The following SGCZ variants were observed in gnomAD, a reference collection of about 807,000 sequenced individuals.
SGCZ encodes the protein zeta-sarcoglycan.
A neutral mutation model predicts 41.3 loss-of-function variants in SGCZ; 40 were observed. The ratio of observed to expected loss-of-function variants is 0.97; its 90% CI spans 0.75 to 1.26. The LOEUF is 1.26. Among genes scored for constraint, SGCZ ranks in the 50% most tolerant of loss-of-function variants. The pLI is 0.00. For missense variants in SGCZ, 552 were observed against 369.8 expected, an observed-to-expected ratio of 1.49 and a Z score of -4.04; for synonymous variants, 206 against 137.5, an observed-to-expected ratio of 1.50 and a Z score of -3.49.
chr8:14,814,854 T>G (rs1293979171), intron 1 of SGCZ, among the ~76,000 whole-genome samples: 1 of 152,214 alleles, frequency 6.6e-6, no homozygotes, highest in Admixed American at 6.5e-5. Flanking sequence ...GGGCAATGTG[T>G]CCGTATAACA....
intron 1 of SGCZ, among the ~76,000 whole-genome samples, chr8:14,701,495 G>T (rs1481019839): frequency 6.6e-6 from 1 of 151,998 alleles, no homozygotes; most frequent in Non-Finnish European, 1.5e-5. Flanking sequence ...CTAAGCAGAT[G>T]GATGTAGACG....
chr8:14,803,708 A>C (rs534203430), intron 1 of SGCZ, among the ~76,000 whole-genome samples: 133 of 151,684 alleles, frequency 8.8e-4, no homozygotes, highest in African/African-American at 3.0e-3. Context: ...CAGGAAGCTC[A>C]AACTGGGTGG....
At position 14,222,448 on chromosome 8, in the gene SGCZ, G is replaced by A. The variant is rs150734460; in HGVS notation, c.424+15144C>T. The stretch of plus-strand genomic sequence containing the variant: ...CTCCCAAAGTGCTAAGATTACACAC[G>A]TGAGCCACCGTGCCCGGCCACTTCA... On this transcript the variant is annotated intron_variant, in intron 4 of 7. Coordinates refer to ENST00000382080, the MANE Select transcript of SGCZ (RefSeq NM_139167.4). Among the ~76,000 whole-genome samples, 223 of 152,096 alleles carry A rather than the reference G, an allele frequency of 1.5e-3. 3 individuals carry two copies. In the East Asian group the frequency reaches 0.032, roughly 22 times the overall value.
At chr8:14,899,223 C>T (rs1798881316) in intron 1 of SGCZ, among the ~76,000 whole-genome samples, 1 of 152,096 alleles carries the variant, frequency 6.6e-6, no homozygotes, top group Admixed American at 6.5e-5. Flanking sequence ...TTGTAAATCT[C>T]ATATCCACTT....
chr8:14,603,776 C>T (rs998619820), intron 1 of SGCZ, among the ~76,000 whole-genome samples: 17 of 152,174 alleles, frequency 1.1e-4, no homozygotes, highest in South Asian at 6.2e-4. Flanking sequence ...AAAAATTATA[C>T]CCTGTTACAT....
At chr8:14,513,871 C>T (rs1368128010) in intron 2 of SGCZ, among the ~76,000 whole-genome samples, 3 of 151,726 alleles carry the variant, frequency 2.0e-5, no homozygotes, top group African/African-American at 7.3e-5. Flanking sequence ...ACTCTCTGTG[C>T]ATTTTTTTTG....
At chr8:14,870,924 C>A (rs1804125043) in intron 1 of SGCZ, among the ~76,000 whole-genome samples, 1 of 152,044 alleles carries the variant, frequency 6.6e-6, no homozygotes, top group East Asian at 1.9e-4. Context: ...AGTCAGGAAA[C>A]AGGCCGGGTG....
At chr8:14,708,651 C>T (rs1221750181) in intron 1 of SGCZ, among the ~76,000 whole-genome samples, 1 of 152,086 alleles carries the variant, frequency 6.6e-6, no homozygotes, top group Non-Finnish European at 1.5e-5. Flanking sequence ...AAAATTGACA[C>T]ACCATGCAAC....
At chr8:15,132,315 G>C (rs1402667192) in intron 1 of SGCZ, among the ~76,000 whole-genome samples, 1 of 152,132 alleles carries the variant, frequency 6.6e-6, no homozygotes, top group East Asian at 1.9e-4. Flanking sequence ...TGTAATGCCG[G>C]TTTGCCTGAG....
At chr8:14,248,744 GA>G (rs5889526) in intron 3 of SGCZ, among the ~76,000 whole-genome samples, 94,908 of 140,040 alleles carry the variant, frequency 0.68, 30,114 homozygotes, top group South Asian at 0.81. Context: ...TGTACTAGTT[GA>G]AAAAAAATCT....
At chr8:14,490,312 G>A (rs1158040) in intron 2 of SGCZ, among the ~76,000 whole-genome samples, 74,163 of 151,928 alleles carry the variant, frequency 0.49, 18,275 homozygotes, top group Admixed American at 0.54. Context: ...ATTTACCTAC[G>A]TTTTCTATGA....
At chr8:14,320,463 TTATTA>T (rs1249506402) in intron 3 of SGCZ, among the ~76,000 whole-genome samples, 1 of 150,482 alleles carries the variant, frequency 6.6e-6, no homozygotes, top group Non-Finnish European at 1.5e-5. Flanking sequence ...ATTACTATTA[TTATTA>T]TATTATTATA....
At chr8:14,498,041 C>T (rs553384038) in intron 2 of SGCZ, among the ~76,000 whole-genome samples, 11 of 152,140 alleles carry the variant, frequency 7.2e-5, no homozygotes, top group Non-Finnish European at 1.0e-4. Flanking sequence ...ACATTTTATT[C>T]ATGCACATTG....
At chr8:14,105,909 AG>A (rs1802188059) in intron 6 of SGCZ, among the ~76,000 whole-genome samples, 1 of 152,156 alleles carries the variant, frequency 6.6e-6, no homozygotes, top group Non-Finnish European at 1.5e-5. Context: ...AATAAAAAAA[AG>A]TTCTTTAAGT....
At chr8:14,713,281 G>T (rs1353586559) in intron 1 of SGCZ, among the ~76,000 whole-genome samples, 1 of 152,124 alleles carries the variant, frequency 6.6e-6, no homozygotes, top group Non-Finnish European at 1.5e-5. Context: ...CTTCAACATT[G>T]CAGAGTAACT....
intron 1 of SGCZ, among the ~76,000 whole-genome samples, chr8:14,720,858 C>A (rs1809861723): frequency 6.6e-6 from 1 of 151,994 alleles, no homozygotes; most frequent in Non-Finnish European, 1.5e-5. Flanking sequence ...ATTTCTTCTA[C>A]TGTTTTGTAA....
chr8:14,404,798 T>C (rs763177207), intron 2 of SGCZ, among the ~76,000 whole-genome samples: 9 of 152,146 alleles, frequency 5.9e-5, no homozygotes, highest in Non-Finnish European at 1.0e-4. Context: ...AACCTGCAAA[T>C]TACATCGTCT....
chr8:15,202,208 T>G (rs1395168907), intron 1 of SGCZ, among the ~76,000 whole-genome samples: 1 of 152,188 alleles, frequency 6.6e-6, no homozygotes, highest in Non-Finnish European at 1.5e-5. Flanking sequence ...ATTGCCTAAG[T>G]AATAGCAACT....
intron 1 of SGCZ, among the ~76,000 whole-genome samples, chr8:15,183,085 G>C (rs1000890975): frequency 1.3e-5 from 2 of 152,170 alleles, no homozygotes; most frequent in East Asian, 3.9e-4. Flanking sequence ...GCATGGAGCT[G>C]TCATCTCCTA....
Sources: allele counts gnomAD v4.1 joint callset (sites outside exome capture counted in the v4.1 genomes callset), GRCh38; gene constraint gnomAD v4.1.1; transcripts MANE v1.5; gene names NCBI Gene and HGNC (gene_info 2026-07-23, HGNC 2026-07-21).